Variants in PCDH15 observed in about 807,000 individuals in gnomAD.
PCDH15 encodes protocadherin related 15.
In PCDH15, 129 loss-of-function variants were observed where a neutral mutation model predicts 178.5. The ratio of observed to expected loss-of-function variants is 0.72; its 90% confidence interval spans 0.63 to 0.84. PCDH15 has a LOEUF of 0.84. PCDH15 is among the 40% of genes least tolerant of loss of function. The probability of loss-of-function intolerance (pLI) is 0.00; values close to 1 mark genes in which losing one functional copy is unlikely to be tolerated. For synonymous variants in PCDH15, 800 were observed against 732.0 expected, an observed-to-expected ratio of 1.09 and a Z score of -1.50; for missense variants, 2,230 against 2,099.9, an observed-to-expected ratio of 1.06 and a Z score of -1.21.
chr10:55,586,145 C>A (rs149007789), intron 2 of PCDH15, among the ~76,000 whole-genome samples: 1,570 of 152,158 alleles, frequency 0.01, 14 homozygotes, highest in Non-Finnish European at 0.016. Flanking sequence ...AATCTCATGA[C>A]ATAGGTACTA....
intron 4 of PCDH15, among the ~76,000 whole-genome samples, chr10:54,372,168 CT>C (rs1947777135): frequency 6.6e-6 from 1 of 151,874 alleles, no homozygotes; most frequent in Admixed American, 6.6e-5. Context: ...GAATTATGCA[CT>C]TTTAAAGTTA....
intron 2 of PCDH15, among the ~76,000 whole-genome samples, chr10:54,912,122 A>G (rs185041502): frequency 4.6e-5 from 7 of 152,240 alleles, no homozygotes; most frequent in Admixed American, 2.0e-4. Context: ...TTTGTGTGTC[A>G]TAATACAGTG....
rs529277795 is a variant in PCDH15 at position 55,540,499 on chromosome 10, C to A, written c.-156+87126G>T. ...TCCTATTGCATAAAATCTCAATGAT[C>A]AGGCTTATGAAAAAACAAACCTTCA... On this transcript the variant is annotated intron_variant, in intron 2 of 5. Coordinates refer to the PCDH15 transcript ENST00000613346. 3.4e-4 allele frequency among the ~76,000 whole-genome samples: 52 copies of A among 152,094 alleles called. No individual in the cohort carries two copies. The South Asian group carries it at 0.011, about 31-fold the overall frequency.
At chr10:54,623,506 T>A (rs1253095574) in intron 2 of PCDH15, among the ~76,000 whole-genome samples, 1 of 152,138 alleles carries the variant, frequency 6.6e-6, no homozygotes, top group African/African-American at 2.4e-5. Flanking sequence ...CTGAGAAAAA[T>A]ATGAATGTTC....
chr10:53,990,870 A>T (rs972995359), intron 21 of PCDH15, among the ~76,000 whole-genome samples: 2 of 152,082 alleles, frequency 1.3e-5, no homozygotes, highest in African/African-American at 2.4e-5. Flanking sequence ...CACGAGTTCC[A>T]GGTGGGTGTG....
chr10:55,305,800 T>C (rs1843407406), intron 1 of PCDH15, among the ~76,000 whole-genome samples: 1 of 152,204 alleles, frequency 6.6e-6, no homozygotes, highest in South Asian at 2.1e-4. Context: ...TCAATGTCCA[T>C]AAATGTACTT....
At chr10:55,551,966 G>T (rs947203929) in intron 2 of PCDH15, among the ~76,000 whole-genome samples, 2 of 151,570 alleles carry the variant, frequency 1.3e-5, no homozygotes, top group Admixed American at 6.6e-5. Context: ...TCCAATATCT[G>T]AAGGTTTTCC....
chr10:54,321,695 T>G, intron 7 of PCDH15, among the ~76,000 whole-genome samples: 1 of 151,960 alleles, frequency 6.6e-6, no homozygotes, highest in East Asian at 1.9e-4. Flanking sequence ...TAGATACTGG[T>G]GTGTTAAAGA....
chr10:54,529,169 C>G (rs1425309498), intron 2 of PCDH15, among the ~76,000 whole-genome samples: 2 of 149,682 alleles, frequency 1.3e-5, no homozygotes, highest in Non-Finnish European at 3.0e-5. Context: ...AAGGTATGTA[C>G]GCTCTCATAT....
At chr10:55,491,139 G>C (rs888731276) in intron 2 of PCDH15, among the ~76,000 whole-genome samples, 3 of 151,656 alleles carry the variant, frequency 2.0e-5, no homozygotes, top group Non-Finnish European at 4.4e-5. Flanking sequence ...CTCTCTTTTA[G>C]ATCTGTTTTG....
At chr10:55,319,072 CAA>C (rs1193202293) in intron 1 of PCDH15, among the ~76,000 whole-genome samples, 4 of 140,046 alleles carry the variant, frequency 2.9e-5, no homozygotes, top group South Asian at 2.3e-4. Context: ...CACACACACA[CAA>C]ACACACACGA....
intron 2 of PCDH15, among the ~76,000 whole-genome samples, chr10:55,013,462 C>A (rs568017565): frequency 5.3e-5 from 7 of 133,002 alleles, no homozygotes; most frequent in Admixed American, 4.6e-4. Context: ...GTGTTTCCAC[C>A]ACTCAGACCA....
chr10:55,072,518 G>A (rs1036762000), intron 2 of PCDH15, among the ~76,000 whole-genome samples: 1 of 151,898 alleles, frequency 6.6e-6, no homozygotes, highest in Admixed American at 6.6e-5. Flanking sequence ...TAAATTCCTC[G>A]ACACATACAC....
chr10:55,115,534 C>G (rs1837608790), intron 2 of PCDH15, among the ~76,000 whole-genome samples: 1 of 152,146 alleles, frequency 6.6e-6, no homozygotes, highest in South Asian at 2.1e-4. Context: ...TTGGCACTGT[C>G]CCTGAGGCTA....
chr10:54,557,994 T>G (rs2087533472), intron 2 of PCDH15, among the ~76,000 whole-genome samples: 1 of 152,106 alleles, frequency 6.6e-6, no homozygotes, highest in South Asian at 2.1e-4. Flanking sequence ...GTAGCCACTC[T>G]GATATGACAA....
At chr10:54,881,151 C>T (rs1265299059) in intron 3 of PCDH15, among the ~76,000 whole-genome samples, 2 of 151,994 alleles carry the variant, frequency 1.3e-5, no homozygotes, top group Non-Finnish European at 2.9e-5. Context: ...TTTCATATGG[C>T]TTTGATACTT....
chr10:55,069,253 T>G (rs1476324344), intron 2 of PCDH15, among the ~76,000 whole-genome samples: 3 of 99,078 alleles, frequency 3.0e-5, no homozygotes, highest in Admixed American at 9.7e-5. Context: ...ATTTTGTTTT[T>G]TTTTTTTTTT....
At chr10:54,960,650 A>C (rs574750211) in intron 2 of PCDH15, among the ~76,000 whole-genome samples, 138 of 152,318 alleles carry the variant, frequency 9.1e-4, no homozygotes, top group Non-Finnish European at 1.5e-3. Context: ...TCTTTTCTCA[A>C]CCCAATATTA....
chr10:54,908,081 G>A (rs1427081400), intron 2 of PCDH15, among the ~76,000 whole-genome samples: 1 of 152,178 alleles, frequency 6.6e-6, no homozygotes, highest in Non-Finnish European at 1.5e-5. Context: ...AAACCTCTGT[G>A]GCCAGTGGTG....
Sources: allele counts gnomAD v4.1 joint callset (sites outside exome capture counted in the v4.1 genomes callset), GRCh38; gene constraint gnomAD v4.1.1; transcripts MANE v1.5; gene names NCBI Gene and HGNC (gene_info 2026-07-23, HGNC 2026-07-21).